MMS22L: variants seen among roughly 807,000 people sequenced by gnomAD.
MMS22L encodes the protein MMS22 like, DNA repair protein, also known as protein MMS22-like.
In MMS22L, 74 loss-of-function variants were observed where a neutral mutation model predicts 159.1. That is an observed-to-expected ratio of 0.47 (90% CI 0.39 to 0.56). The LOEUF (loss-of-function observed/expected upper bound fraction) is 0.56. MMS22L is among the 20% of genes least tolerant of loss of function. The pLI is 0.00. For missense variants in MMS22L, 1,351 were observed against 1,422.1 expected, an observed-to-expected ratio of 0.95 and a Z score of 0.80; for synonymous variants, 517 against 506.9, an observed-to-expected ratio of 1.02 and a Z score of -0.27.
chr6:97,274,894 G>GA (rs1026633867), intron 4 of MMS22L, among the ~76,000 whole-genome samples: 4 of 151,780 alleles, frequency 2.6e-5, no homozygotes, highest in Non-Finnish European at 4.4e-5. Flanking sequence ...CAGCAAGCAT[G>GA]AAAAAAAATC....
chr6:97,246,797 C>G (rs1252429931), intron 10 of MMS22L, 107 bp from the exon 11 acceptor site: 1 of 692,360 alleles, frequency 1.4e-6, no homozygotes, highest in African/African-American at 1.8e-5. Flanking sequence ...CTCTATCATT[C>G]AGCATCAATG....
chr6:97,271,130 T>C (rs958700505), intron 6 of MMS22L: 1 of 152,114 alleles, frequency 6.6e-6, no homozygotes, highest in African/African-American at 2.4e-5. Flanking sequence ...ACATTTCATA[T>C]ACAAGACTGT....
At chr6:97,151,921 C>A (rs1017332414) in intron 22 of MMS22L, 54 bp from the exon 23 acceptor site, 2 of 1,362,728 alleles carry the variant, frequency 1.5e-6, no homozygotes, top group South Asian at 1.2e-5. Flanking sequence ...CCATCTGGAT[C>A]CTCATTTTTA....
At chr6:97,249,725 ATTT>A (rs66525517) in intron 10 of MMS22L, among the ~76,000 whole-genome samples, 8 of 130,390 alleles carry the variant, frequency 6.1e-5, no homozygotes, top group Admixed American at 1.5e-4. Context: ...CCAATAACCA[ATTT>A]TTTTTTTTTT....
Position 97,281,285 on chromosome 6 carries a change from G to T in MMS22L, c.242C>A (p.Thr81Asn), listed in dbSNP as rs1816734280. 3.1e-6 allele frequency: 5 copies of T among 1,611,456 alleles called. No individual in the cohort carries two copies. Among genetic ancestry groups the T allele is most frequent in the Non-Finnish European group, 4.2e-6 (5 of 1,179,160 alleles). Reference protein sequence around the residue: ...TLEIFGIQWVTETALVNSSRE... With the variant: ...TLEIFGIQWVNETALVNSSRE... ...AGATGAATTCACTAATGCTGTTTCA[G>T]TAACCCACTGAATGCCAAATATTTC... The change falls in exon 3 of 25, where the codon ACT (threonine) becomes AAT (asparagine). Residue 81 changes from threonine to asparagine, a missense_variant. Coordinates refer to ENST00000683635, the MANE Select transcript of MMS22L (RefSeq NM_001350599.2).
chr6:97,236,752 C>T (rs1037347637), intron 11 of MMS22L, among the ~76,000 whole-genome samples: 3 of 152,026 alleles, frequency 2.0e-5, no homozygotes, highest in African/African-American at 7.3e-5. Context: ...GAGATCGAGA[C>T]CATCCTGGCT....
At chr6:97,250,010 C>A (rs1166348336) in intron 10 of MMS22L, among the ~76,000 whole-genome samples, 1 of 151,900 alleles carries the variant, frequency 6.6e-6, no homozygotes, top group Non-Finnish European at 1.5e-5. Flanking sequence ...TAATCTAAAA[C>A]AAAAATAAAC....
chr6:97,216,366 T>C (rs9398366), intron 14 of MMS22L, among the ~76,000 whole-genome samples: 99,146 of 151,828 alleles, frequency 0.65, 33,716 homozygotes, highest in Non-Finnish European at 0.76. Context: ...ACTGTCATAT[T>C]ACATCATTAA....
At chr6:97,202,322 C>T (rs993276243) in intron 14 of MMS22L, among the ~76,000 whole-genome samples, 1 of 152,158 alleles carries the variant, frequency 6.6e-6, no homozygotes, top group African/African-American at 2.4e-5. Context: ...GGGTGTTTAC[C>T]TGGCAACCTC....
Position 97,231,387 on chromosome 6 carries a change from A to G in MMS22L, c.1529+39T>C, listed in dbSNP as rs367970582. On this transcript the variant is annotated intron_variant, in intron 13 of 24. Coordinates refer to ENST00000683635, the MANE Select transcript of MMS22L (RefSeq NM_001350599.2). Reference sequence around the variant, plus strand: ...TACAAATAGTAACACCTATCCAAAGATATCAGTGCACACTCATGACAGAAG... The same window carrying G: ...TACAAATAGTAACACCTATCCAAAGGTATCAGTGCACACTCATGACAGAAG... 29 of 1,406,908 alleles carry G rather than the reference A, an allele frequency of 2.1e-5. No individual in the cohort carries two copies. The Admixed American group carries it at 2.2e-4, about 11-fold the overall frequency. The allele number at this position is 1,406,908 out of a possible 1,614,324, so 87.2% of individuals were successfully genotyped here. A position where few individuals can be genotyped will look rare whatever the true frequency, so the allele number is the denominator to read the frequency against.
At chr6:97,194,296 T>C (rs1806232942) in intron 14 of MMS22L, among the ~76,000 whole-genome samples, 1 of 151,920 alleles carries the variant, frequency 6.6e-6, no homozygotes, top group African/African-American at 2.4e-5. Flanking sequence ...GACCTTGAGA[T>C]CCGCTCACCT....
At chr6:97,237,110 G>A (rs181055932) in intron 11 of MMS22L, among the ~76,000 whole-genome samples, 3 of 152,018 alleles carry the variant, frequency 2.0e-5, no homozygotes, top group South Asian at 2.1e-4. Context: ...CAATGGTAAC[G>A]GGCAAAATGA....
At chr6:97,267,137 T>G (rs906431114) in intron 8 of MMS22L, 2 of 152,138 alleles carry the variant, frequency 1.3e-5, no homozygotes, top group African/African-American at 4.8e-5. Context: ...TATTTAAAAG[T>G]TATTCTATCA....
At chr6:97,194,201 G>A (rs1036159643) in intron 14 of MMS22L, among the ~76,000 whole-genome samples, 1 of 152,128 alleles carries the variant, frequency 6.6e-6, no homozygotes, top group Non-Finnish European at 1.5e-5. Context: ...GGAACTACAG[G>A]TGCGTGCCAC....
At chr6:97,157,626 G>T (rs900813855) in intron 22 of MMS22L, among the ~76,000 whole-genome samples, 1 of 152,176 alleles carries the variant, frequency 6.6e-6, no homozygotes, top group Non-Finnish European at 1.5e-5. Context: ...TATGTTTATT[G>T]ATTTGCATAT....
At chr6:97,189,068 G>T (rs1290813465) in intron 14 of MMS22L, among the ~76,000 whole-genome samples, 2 of 151,840 alleles carry the variant, frequency 1.3e-5, no homozygotes, top group Non-Finnish European at 2.9e-5. Context: ...GAAGGGCCAG[G>T]AGCAACATCA....
intron 9 of MMS22L, chr6:97,259,327 AAAT>A (rs1814188457): frequency 6.6e-6 from 1 of 152,214 alleles, no homozygotes; most frequent in Non-Finnish European, 1.5e-5. Flanking sequence ...ATATTTGGTT[AAAT>A]ATTATTCTGA....
At chr6:97,150,966 T>C (rs142580399) in intron 23 of MMS22L, among the ~76,000 whole-genome samples, 85 of 152,304 alleles carry the variant, frequency 5.6e-4, no homozygotes, top group East Asian at 5.0e-3. Context: ...TTATGAACAA[T>C]AGATCTACTT....
rs538101467 is a variant in MMS22L at position 97,218,729 on chromosome 6, G to A, written c.2039+10165C>T. Among the ~76,000 whole-genome samples, 48 of 152,156 alleles carry A rather than the reference G, an allele frequency of 3.2e-4. No individual in the cohort carries two copies. The South Asian group carries it at 6.4e-3, about 20-fold the overall frequency. On this transcript the variant is annotated intron_variant, in intron 14 of 24. Coordinates refer to ENST00000683635, the MANE Select transcript of MMS22L (RefSeq NM_001350599.2). The stretch of plus-strand genomic sequence containing the variant: ...ATTATTCAAGACTGGTGTATTAGTC[G>A]GTTCTCACACTGCCATAAACACCCT...
Sources: allele counts gnomAD v4.1 joint callset (sites outside exome capture counted in the v4.1 genomes callset), GRCh38; gene constraint gnomAD v4.1.1; transcripts MANE v1.5; gene names NCBI Gene and HGNC (gene_info 2026-07-23, HGNC 2026-07-21).